Variants in DOCK4 observed in about 807,000 individuals in gnomAD.
DOCK4 encodes dedicator of cytokinesis protein 4.
A neutral mutation model predicts 268.1 loss-of-function variants in DOCK4; 97 were observed. The observed-to-expected ratio is 0.36, with a 90% CI of 0.31 to 0.43. The LOEUF (loss-of-function observed/expected upper bound fraction) is 0.43. Ranked by LOEUF, DOCK4 falls within the 20% of genes least tolerant of loss-of-function variation. DOCK4 has a pLI of 1.00. For synonymous variants in DOCK4, 954 were observed against 887.2 expected (o/e 1.08, Z -1.34); for missense variants, 2,145 against 2,455.7 (o/e 0.87, Z 2.67).
intron 1 of DOCK4, among the ~76,000 whole-genome samples, chr7:112,196,845 C>T (rs552473655): frequency 6.6e-6 from 1 of 152,286 alleles, no homozygotes; most frequent in South Asian, 2.1e-4. Flanking sequence ...AATATACACA[C>T]ATACATTGTG....
chr7:112,000,750 AATTTTT>A (rs1369282928), intron 2 of DOCK4, among the ~76,000 whole-genome samples: 1 of 152,234 alleles, frequency 6.6e-6, no homozygotes, highest in Non-Finnish European at 1.5e-5. Context: ...CTGTATCAAA[AATTTTT>A]ATAAACAACA....
intron 8 of DOCK4, among the ~76,000 whole-genome samples, chr7:111,964,139 A>G (rs1406846140): frequency 6.8e-6 from 1 of 147,954 alleles, no homozygotes; most frequent in East Asian, 2.0e-4. Flanking sequence ...GAAACTCTAA[A>G]ACGCAGAGCG....
At chr7:112,146,657 G>A (rs1019956730) in intron 1 of DOCK4, among the ~76,000 whole-genome samples, 3 of 152,144 alleles carry the variant, frequency 2.0e-5, no homozygotes, top group African/African-American at 7.2e-5. Flanking sequence ...ACCTGAGTCT[G>A]GGGAGGTTAA....
chr7:111,735,060 G>T lies in DOCK4; in HGVS notation c.5413C>A (p.Gln1805Lys). Reference protein sequence around the residue: ...ISPPVPPRPTQTASPARHTTS... With the variant: ...ISPPVPPRPTKTASPARHTTS... ...AAATTCTTCAAATACCCACCAGTCT[G>T]TGTGGGTCTTGGAGGGACAGGGGGA... Residue 1805 changes from glutamine to lysine, a missense_variant, in exon 51 of 53, where the codon CAG (glutamine) becomes AAG (lysine). By Grantham distance (53) the Gln-to-Lys change is moderately conservative. This residue lies in a region of DOCK4 where 547 missense variants were observed against 469.0 expected (regional missense o/e 1.17). Coordinates refer to ENST00000428084, the MANE Select transcript of DOCK4 (RefSeq NM_001363540.2). 3 of 1,579,952 alleles carry T rather than the reference G, an allele frequency of 1.9e-6. No homozygotes were observed. The highest frequency in any genetic ancestry group is 2.6e-6 in the Non-Finnish European group (3 of 1,158,748).
At chr7:112,032,517 C>G (rs1028871707) in intron 1 of DOCK4, among the ~76,000 whole-genome samples, 1 of 152,050 alleles carries the variant, frequency 6.6e-6, no homozygotes, top group South Asian at 2.1e-4. Flanking sequence ...TTAAAAAGGG[C>G]CTTTTTGTAT....
In DOCK4 at chr7:111,991,362, A is replaced by T. The variant is rs142874717; in HGVS notation, c.316-2199T>A. ...CTGAACATCTGGTCATAAAATCATG[A>T]TTCTTTAAACACTGGATAGTTATGA... On this transcript the variant is annotated intron_variant, in intron 5 of 52. Transcript: ENST00000428084. 3.5e-4 allele frequency among the ~76,000 whole-genome samples: 53 copies of T among 152,344 alleles called. 2 individuals are homozygous for T. The East Asian group carries it at 8.9e-3, about 26-fold the overall frequency.
At chr7:111,774,344 T>A (rs187325477) in intron 36 of DOCK4, among the ~76,000 whole-genome samples, 57 of 152,218 alleles carry the variant, frequency 3.7e-4, no homozygotes, top group African/African-American at 1.2e-3. Flanking sequence ...GGCAGGCACC[T>A]GTAATCTCAG....
At chr7:111,730,775 A>G (rs1268381303) in intron 52 of DOCK4, among the ~76,000 whole-genome samples, 1 of 152,206 alleles carries the variant, frequency 6.6e-6, no homozygotes, top group African/African-American at 2.4e-5. Flanking sequence ...TCTTCCTTCA[A>G]ACCCTACATA....
chr7:111,837,989 G>A (rs1478510907), intron 25 of DOCK4, among the ~76,000 whole-genome samples: 1 of 150,982 alleles, frequency 6.6e-6, no homozygotes, highest in Non-Finnish European at 1.5e-5. Context: ...GGGAGGCTGA[G>A]GCAGGAGAAT....
chr7:111,859,802 C>T (rs1013920567), intron 23 of DOCK4, among the ~76,000 whole-genome samples: 2 of 151,862 alleles, frequency 1.3e-5, no homozygotes, highest in Non-Finnish European at 2.9e-5. Context: ...CTTCTGACCT[C>T]GTGATCCGCC....
chr7:112,042,045 A>G (rs1489097991), intron 1 of DOCK4, among the ~76,000 whole-genome samples: 1 of 152,198 alleles, frequency 6.6e-6, no homozygotes, highest in Non-Finnish European at 1.5e-5. Context: ...GGACTGCTGG[A>G]GGCAAGGAGT....
intron 23 of DOCK4, among the ~76,000 whole-genome samples, chr7:111,856,482 C>A (rs569606959): frequency 1.3e-5 from 2 of 152,274 alleles, no homozygotes; most frequent in South Asian, 4.1e-4. Flanking sequence ...TTTCTAGGTT[C>A]TTGGTTAAGA....
chr7:111,926,949 A>C (rs1793764519), intron 12 of DOCK4, among the ~76,000 whole-genome samples: 1 of 152,222 alleles, frequency 6.6e-6, no homozygotes, highest in African/African-American at 2.4e-5. Flanking sequence ...ACAGGAAGAA[A>C]GAAAACACTT....
At chr7:111,749,212 T>C (rs1367325502) in intron 42 of DOCK4, among the ~76,000 whole-genome samples, 1 of 152,164 alleles carries the variant, frequency 6.6e-6, no homozygotes, top group Non-Finnish European at 1.5e-5. Context: ...TTTCAGATTA[T>C]TTGTAACACT....
intron 9 of DOCK4, among the ~76,000 whole-genome samples, chr7:111,945,182 G>A (rs1018022195): frequency 2.2e-4 from 33 of 151,924 alleles, no homozygotes; most frequent in African/African-American, 7.5e-4. Context: ...CACTGGTTTT[G>A]TTTTTTGTTT....
At chr7:112,179,589 C>T (rs895836665) in intron 1 of DOCK4, among the ~76,000 whole-genome samples, 22 of 151,608 alleles carry the variant, frequency 1.5e-4, no homozygotes, top group Non-Finnish European at 2.8e-4. Context: ...ACATGCCTGG[C>T]GCTCAAAGAA....
At chr7:111,823,110 C>T (rs972911715) in intron 26 of DOCK4, among the ~76,000 whole-genome samples, 1 of 151,076 alleles carries the variant, frequency 6.6e-6, no homozygotes, top group African/African-American at 2.4e-5. Context: ...AGATGCCATG[C>T]GAGATGGTAG....
chr7:111,925,661 C>T (rs562622802), intron 12 of DOCK4, among the ~76,000 whole-genome samples: 2 of 152,286 alleles, frequency 1.3e-5, no homozygotes, highest in South Asian at 4.2e-4. Flanking sequence ...CCAAAGTACC[C>T]AAATTACAGC....
chr7:111,752,334 G>T (rs1461281424), intron 42 of DOCK4, among the ~76,000 whole-genome samples: 3 of 152,004 alleles, frequency 2.0e-5, no homozygotes, highest in African/African-American at 7.2e-5. Context: ...CAGGGATAAG[G>T]GGGAAAGCAA....
Sources: allele counts gnomAD v4.1 joint callset (sites outside exome capture counted in the v4.1 genomes callset), GRCh38; gene constraint gnomAD v4.1.1; regional missense constraint gnomAD v4.1.1; transcripts MANE v1.5; gene names NCBI Gene and HGNC (gene_info 2026-07-23, HGNC 2026-07-21).